DYSF: variants seen among roughly 807,000 people sequenced by gnomAD.
The protein encoded by DYSF is dysferlin.
A neutral mutation model predicts 274.9 loss-of-function variants in DYSF; 212 were observed. The ratio of observed to expected loss-of-function variants is 0.77; its 90% CI spans 0.69 to 0.86. The LOEUF (loss-of-function observed/expected upper bound fraction) is 0.86. Among genes scored for constraint, DYSF ranks in the 40% least tolerant of loss-of-function variants. DYSF has a pLI of 0.00. For missense variants in DYSF, 2,666 were observed against 2,783.2 expected, an observed-to-expected ratio of 0.96 and a Z score of 0.95; for synonymous variants, 1,091 against 1,078.7, an observed-to-expected ratio of 1.01 and a Z score of -0.22.
At chr2:71,617,345 G>T (rs1051118699) in intron 40 of DYSF, among the ~76,000 whole-genome samples, 1 of 152,224 alleles carries the variant, frequency 6.6e-6, no homozygotes, top group Non-Finnish European at 1.5e-5. Context: ...CATTAACAAG[G>T]AGACCAAACT....
intron 1 of DYSF, among the ~76,000 whole-genome samples, chr2:71,477,258 G>T (rs192835585): frequency 6.6e-6 from 1 of 151,992 alleles, no homozygotes; most frequent in African/African-American, 2.4e-5. Context: ...GTGCAACATC[G>T]CATGTAGAGG....
intron 4 of DYSF, among the ~76,000 whole-genome samples, chr2:71,507,678 A>C (rs2085633922): frequency 6.6e-6 from 1 of 152,204 alleles, no homozygotes; most frequent in Admixed American, 6.5e-5. Context: ...CAGGCCAGAC[A>C]TGTCAGGCAG....
intron 40 of DYSF, among the ~76,000 whole-genome samples, chr2:71,614,613 G>C (rs2093842102): frequency 2.6e-5 from 4 of 152,146 alleles, no homozygotes; most frequent in Admixed American, 2.0e-4. Flanking sequence ...TGCTGCTCTA[G>C]GGCCTGCTGT....
At chr2:71,520,698 T>C in intron 11 of DYSF, 91 bp from the exon 12 acceptor site, 1 of 1,082,044 alleles carries the variant, frequency 9.2e-7, no homozygotes, top group Non-Finnish European at 1.4e-6. Flanking sequence ...GTCCTTTACC[T>C]CCCCTGTGCA....
At chr2:71,550,206 A>G (rs1484422794) in intron 17 of DYSF, among the ~76,000 whole-genome samples, 1 of 152,214 alleles carries the variant, frequency 6.6e-6, no homozygotes, top group Non-Finnish European at 1.5e-5. Context: ...ATTCCTCTGA[A>G]AGGGACACTG....
At chr2:71,460,097 A>C (rs1045123516) in intron 1 of DYSF, among the ~76,000 whole-genome samples, 15 of 152,192 alleles carry the variant, frequency 9.9e-5, no homozygotes, top group African/African-American at 3.6e-4. Flanking sequence ...TGGTATAAGC[A>C]TGATGGTCTC....
At chr2:71,665,892 C>T (rs1169231123) in intron 47 of DYSF, among the ~76,000 whole-genome samples, 2 of 152,164 alleles carry the variant, frequency 1.3e-5, no homozygotes, top group Admixed American at 6.5e-5. Flanking sequence ...CGCAGGCCTG[C>T]ATCACCCACT....
chr2:71,600,578 AG>A, intron 33 of DYSF, 123 bp from the exon 34 acceptor site: 2 of 1,338,624 alleles, frequency 1.5e-6, no homozygotes, highest in Non-Finnish European at 2.1e-6. Context: ...ATTCTGTGGG[AG>A]GGGGTGCCCT....
intron 30 of DYSF, among the ~76,000 whole-genome samples, chr2:71,575,162 G>A (rs2092661229): frequency 6.6e-6 from 1 of 152,206 alleles, no homozygotes; most frequent in South Asian, 2.1e-4. Flanking sequence ...CCTATCTGTA[G>A]GACAGCCTGG....
chr2:71,598,741 C>G lies in DYSF; in HGVS notation c.3752C>G (p.Thr1251Ser). 6.2e-7 allele frequency: 1 copy of G among 1,612,266 alleles called. No individual in the cohort carries two copies. The highest frequency in any genetic ancestry group is 8.5e-7 in the Non-Finnish European group (1 of 1,180,016). Residue 1251 changes from threonine to serine, a missense_variant, in exon 33 of 56, where the codon ACT (threonine) becomes AGT (serine). By Grantham distance (58) the Thr-to-Ser change is moderately conservative. Transcript: ENST00000410020. ...SIVVELYDHD[T>S]YGADEFMGRC... ...GTGGTGGAGCTGTACGACCATGACA[C>G]TTATGTGAGTCTGCCCAGCTCCTGC...
intron 1 of DYSF, among the ~76,000 whole-genome samples, chr2:71,460,040 A>G (rs1431629488): frequency 6.6e-6 from 1 of 152,194 alleles, no homozygotes; most frequent in Non-Finnish European, 1.5e-5. Context: ...CTGAAGCCTC[A>G]GGTGGGATGC....
chr2:71,520,483 AT>A (rs935724329), intron 11 of DYSF, among the ~76,000 whole-genome samples: 6 of 152,174 alleles, frequency 3.9e-5, no homozygotes, highest in Admixed American at 3.3e-4. Context: ...GGGACAGGTC[AT>A]TTGGGTGACA....
chr2:71,534,046 T>C (rs529682185), intron 14 of DYSF, among the ~76,000 whole-genome samples: 4 of 152,220 alleles, frequency 2.6e-5, no homozygotes, highest in Admixed American at 2.6e-4. Flanking sequence ...TGTGTGGCCT[T>C]TGTCTGGGGC....
rs886043955 is a variant in DYSF at position 71,679,106 on chromosome 2, C to A, written c.5934C>A (p.Ala1978=). 2 of 1,614,022 alleles carry A rather than the reference C, an allele frequency of 1.2e-6. No homozygotes were observed. Among genetic ancestry groups the A allele is most frequent in the Non-Finnish European group, 1.7e-6 (2 of 1,179,950 alleles). Residue 1978 remains alanine, a synonymous_variant, in exon 53 of 56, where the codon GCC becomes GCA. Transcript: ENST00000410020. ...GCATGCCCAAGCCAGCCAAGACAGC[C>A]AAGAAGTGCTCCTTGGACCAGCTGG... ...LNRMPKPAKT[A]KKCSLDQLDD... is the part of the protein sequence containing the mutation.
At chr2:71,670,821 G>A (rs3791830) in intron 51 of DYSF, among the ~76,000 whole-genome samples, 123,143 of 152,102 alleles carry the variant, frequency 0.81, 50,659 homozygotes, top group Middle Eastern at 0.91. Context: ...TATGCTGGTT[G>A]GAGGCAGAGG....
Position 71,656,309 on chromosome 2 carries a change from C to A in DYSF, c.4755+19C>A. ...ATTTAAGGTAAATCCTCGAAGACGT[C>A]CCTAACCCAGGTGGGCCTAAGACTG... On this transcript the variant is annotated intron_variant, in intron 43 of 55. Coordinates refer to ENST00000410020, the MANE Select transcript of DYSF (RefSeq NM_001130987.2). 3 of 1,613,358 alleles carry A rather than the reference C, an allele frequency of 1.9e-6. No individual in the cohort carries two copies. The highest frequency in any genetic ancestry group is 4.5e-5 in the East Asian group (2 of 44,872).
intron 17 of DYSF, among the ~76,000 whole-genome samples, chr2:71,548,539 C>G (rs2152782304): frequency 6.6e-6 from 1 of 150,870 alleles, no homozygotes; most frequent in East Asian, 1.9e-4. Flanking sequence ...TGGAGGAAGA[C>G]TGAGGGGTGT....
intron 12 of DYSF, among the ~76,000 whole-genome samples, chr2:71,523,024 A>G (rs888963034): frequency 2.1e-4 from 32 of 152,200 alleles, no homozygotes; most frequent in Non-Finnish European, 2.9e-4. Context: ...CTGGTGTAAC[A>G]AAGATGCCCC....
chr2:71,466,526 G>C (rs2081542515), upstream of DYSF, among the ~76,000 whole-genome samples: 1 of 152,164 alleles, frequency 6.6e-6, no homozygotes, highest in African/African-American at 2.4e-5. Context: ...CCTCGTTCCT[G>C]GCCGGGAGCT....
Sources: allele counts gnomAD v4.1 joint callset (sites outside exome capture counted in the v4.1 genomes callset), GRCh38; gene constraint gnomAD v4.1.1; transcripts MANE v1.5; gene names NCBI Gene and HGNC (gene_info 2026-07-23, HGNC 2026-07-21).